CMC1: variants seen among roughly 807,000 people sequenced by gnomAD.
The protein encoded by CMC1 is COX assembly mitochondrial protein homolog.
In CMC1, 14 loss-of-function variants were observed where a neutral mutation model predicts 14.1. The observed-to-expected ratio is 0.99, with a 90% CI of 0.66 to 1.55. The LOEUF is 1.55. CMC1 is among the 40% of genes most tolerant of loss of function. The pLI is 0.00. For synonymous variants in CMC1, 50 were observed against 38.4 expected, an observed-to-expected ratio of 1.30 and a Z score of -1.12; for missense variants, 127 against 123.8, an observed-to-expected ratio of 1.03 and a Z score of -0.12.
intron 1 of CMC1, among the ~76,000 whole-genome samples, chr3:28,261,982 T>C (rs775996136): frequency 1.4e-4 from 22 of 152,308 alleles, no homozygotes; most frequent in Middle Eastern, 3.4e-3. Flanking sequence ...AGATTACTTC[T>C]TTTTCTGTAG....
chr3:28,311,540 A>C (rs1450524211), intron 2 of CMC1, among the ~76,000 whole-genome samples: 1 of 152,144 alleles, frequency 6.6e-6, no homozygotes, highest in Non-Finnish European at 1.5e-5. Context: ...TACTATCTTC[A>C]TTGTCTCTGC....
intron 2 of CMC1, among the ~76,000 whole-genome samples, chr3:28,314,249 G>A (rs1395155168): frequency 6.6e-6 from 1 of 152,152 alleles, no homozygotes; most frequent in Non-Finnish European, 1.5e-5. Flanking sequence ...GGAATAGATA[G>A]GCATTCCAGA....
intron 2 of CMC1, among the ~76,000 whole-genome samples, chr3:28,282,022 G>T (rs1700921710): frequency 1.3e-5 from 2 of 152,046 alleles, no homozygotes; most frequent in African/African-American, 4.8e-5. Context: ...GTTTAGATTT[G>T]ATTTCTGGTT....
At chr3:28,287,044 C>T (rs151208861) in intron 2 of CMC1, among the ~76,000 whole-genome samples, 154 of 152,150 alleles carry the variant, frequency 1.0e-3, no homozygotes, top group Middle Eastern at 6.8e-3. Context: ...ATAATCCAAC[C>T]GTCAACACAT....
At chr3:28,254,221 A>C (rs1277589600) in intron 1 of CMC1, among the ~76,000 whole-genome samples, 5 of 152,236 alleles carry the variant, frequency 3.3e-5, no homozygotes, top group Admixed American at 3.3e-4. Flanking sequence ...AATGTATAAC[A>C]TATATACACC....
chr3:28,297,382 C>T (rs1225314190), intron 2 of CMC1, among the ~76,000 whole-genome samples: 2 of 151,992 alleles, frequency 1.3e-5, no homozygotes, highest in African/African-American at 4.8e-5. Flanking sequence ...GTGGCAGCCT[C>T]ATAGGACCAT....
At chr3:28,315,404 A>G (rs1043372041) in intron 2 of CMC1, among the ~76,000 whole-genome samples, 4 of 152,298 alleles carry the variant, frequency 2.6e-5, no homozygotes, top group East Asian at 1.9e-4. Flanking sequence ...TGAAGTATCT[A>G]CAGCACCTAG....
intron 2 of CMC1, among the ~76,000 whole-genome samples, chr3:28,303,654 T>A (rs1410203528): frequency 2.6e-5 from 4 of 152,104 alleles, no homozygotes; most frequent in Non-Finnish European, 4.4e-5. Context: ...CAACATATTT[T>A]AAAATATTAG....
intron 1 of CMC1, 166 bp downstream of exon 1, chr3:28,241,978 T>C: frequency 1.8e-6 from 1 of 551,888 alleles, no homozygotes; most frequent in Non-Finnish European, 2.7e-6. Flanking sequence ...TCTGAGGTCA[T>C]CTTCTCACTT....
chr3:28,298,112 C>T (rs1701838229), intron 2 of CMC1: 1 of 151,588 alleles, frequency 6.6e-6, no homozygotes, highest in African/African-American at 2.4e-5. Flanking sequence ...GTAGCCCAGC[C>T]TGAGTCTACA....
At chr3:28,294,038 CATTTT>C (rs1559431217) in intron 2 of CMC1, among the ~76,000 whole-genome samples, 2 of 152,134 alleles carry the variant, frequency 1.3e-5, no homozygotes, top group Non-Finnish European at 2.9e-5. Context: ...TCGAAGAACT[CATTTT>C]AATTGGTTAG....
intron 2 of CMC1, among the ~76,000 whole-genome samples, chr3:28,300,099 T>C (rs1025357278): frequency 2.0e-5 from 3 of 152,198 alleles, no homozygotes; most frequent in Admixed American, 2.0e-4. Flanking sequence ...CTCCTTTTTT[T>C]CCCTTAAAAC....
chr3:28,245,575 C>T (rs1698780546), intron 1 of CMC1, among the ~76,000 whole-genome samples: 1 of 152,122 alleles, frequency 6.6e-6, no homozygotes, highest in African/African-American at 2.4e-5. Context: ...GTGTGTGTCC[C>T]TGTGTCCTTC....
chr3:28,274,206 G>GTTTTTTTTTTTTTTTTT lies in CMC1; in HGVS notation c.109+10831_109+10832insTTTTTTTTTTTTTTTTT, dbSNP rs1265139321. 5.5e-3 allele frequency among the ~76,000 whole-genome samples: 454 copies of GTTTTTTTTTTTTTTTTT among 82,934 alleles called. 52 individuals carry two copies. Among genetic ancestry groups the GTTTTTTTTTTTTTTTTT allele is most frequent in the East Asian group, 0.024 (54 of 2,238 alleles). The allele number at this position is 82,934 out of a possible 152,430, so 54.4% of individuals were successfully genotyped here. On this transcript the variant is annotated intron_variant, in intron 2 of 3. Transcript: ENST00000466830. Reference sequence around the variant, plus strand: ...GTGTCATTGGTCTTTGTACTAAAGTGTTTTTGTTTTTTTCTTTTTTTTTTT... The same window carrying GTTTTTTTTTTTTTTTTT: ...GTGTCATTGGTCTTTGTACTAAAGTGTTTTTTTTTTTTTTTTTTTTTTGTTTTTTTCTTTTTTTTTTT...
chr3:28,319,545 G>A lies in CMC1; in HGVS notation c.237G>A (p.Met79Ile). 6.2e-7 allele frequency: 1 copy of A among 1,605,762 alleles called. No homozygotes were observed. The highest frequency in any genetic ancestry group is 8.5e-7 in the Non-Finnish European group (1 of 1,174,620). Residue 79 changes from methionine (M) to isoleucine (I), a missense_variant, in exon 4 of 4, where the codon ATG (methionine) becomes ATA (isoleucine). Met to Ile is a conservative substitution (Grantham distance 10, BLOSUM62 1). Transcript: ENST00000466830. ...NDPAFYEECK[M>I]EYLKEREEFR... Reference sequence around the variant, plus strand: ...CAGCCTTTTATGAAGAATGCAAAATGGAATACCTGAAGGAAAGGGAAGAAT... The same window carrying A: ...CAGCCTTTTATGAAGAATGCAAAATAGAATACCTGAAGGAAAGGGAAGAAT...
intron 1 of CMC1, among the ~76,000 whole-genome samples, chr3:28,255,162 T>A (rs1202751574): frequency 2.6e-5 from 4 of 152,108 alleles, no homozygotes; most frequent in African/African-American, 9.7e-5. Context: ...CCATCAAGCT[T>A]ATAGGACCTC....
At chr3:28,273,668 T>A (rs982181562) in intron 2 of CMC1, among the ~76,000 whole-genome samples, 2 of 152,212 alleles carry the variant, frequency 1.3e-5, no homozygotes, top group African/African-American at 2.4e-5. Context: ...TAATTTTCTG[T>A]CTCGATGATC....
intron 2 of CMC1, among the ~76,000 whole-genome samples, chr3:28,272,455 C>CT (rs1700343969): frequency 6.6e-6 from 1 of 151,994 alleles, no homozygotes; most frequent in Admixed American, 6.6e-5. Context: ...ATTGAAGGCC[C>CT]TTTTTTGCAT....
At position 28,290,765 on chromosome 3, in the gene CMC1, C is replaced by T. The variant is rs149665110; in HGVS notation, c.110-25568C>T. The stretch of plus-strand genomic sequence containing the variant: ...ACCAATCATCCTTGGAACTTTAAAA[C>T]GAGGATTAACATTTGATGGTATTTA... On this transcript the variant is annotated intron_variant, in intron 2 of 3. Transcript: ENST00000466830. 1.4e-3 allele frequency among the ~76,000 whole-genome samples: 220 copies of T among 152,056 alleles called. 1 individual carries two copies. The highest frequency in any genetic ancestry group is 4.8e-3 in the African/African-American group (198 of 41,474).
Sources: allele counts gnomAD v4.1 joint callset (sites outside exome capture counted in the v4.1 genomes callset), GRCh38; gene constraint gnomAD v4.1.1; transcripts MANE v1.5; gene names NCBI Gene and HGNC (gene_info 2026-07-23, HGNC 2026-07-21).